The following DOCK2 variants were observed in gnomAD, a reference collection of about 807,000 sequenced individuals.
DOCK2 encodes dedicator of cytokinesis 2, also known as dedicator of cytokinesis protein 2.
A neutral mutation model predicts 248.9 loss-of-function variants in DOCK2; 87 were observed. The ratio of observed to expected loss-of-function variants is 0.35; its 90% CI spans 0.29 to 0.42. DOCK2 has a LOEUF of 0.42. DOCK2 is among the 10% of genes least tolerant of loss of function. The probability of loss-of-function intolerance (pLI) is 1.00; values close to 1 mark genes in which losing one functional copy is unlikely to be tolerated. For missense variants in DOCK2, 1,747 were observed against 2,300.2 expected, an observed-to-expected ratio of 0.76 and a Z score of 4.92; for synonymous variants, 805 against 821.6, an observed-to-expected ratio of 0.98 and a Z score of 0.35.
intron 23 of DOCK2, among the ~76,000 whole-genome samples, chr5:169,748,070 G>A (rs1265522977): frequency 6.6e-6 from 1 of 152,202 alleles, no homozygotes. Flanking sequence ...AGGCACTGGG[G>A]GTGCGGGTGG....
At chr5:170,003,229 C>T (rs562650034) in intron 30 of DOCK2, among the ~76,000 whole-genome samples, 7 of 152,294 alleles carry the variant, frequency 4.6e-5, no homozygotes, top group Non-Finnish European at 7.3e-5. Flanking sequence ...TTACAACAGT[C>T]CTTTATGGTA....
chr5:169,947,057 T>C (rs1776481771), intron 27 of DOCK2, among the ~76,000 whole-genome samples: 1 of 152,224 alleles, frequency 6.6e-6, no homozygotes, highest in South Asian at 2.1e-4. Context: ...CTGTTCTCAA[T>C]GCCTAACCTG....
chr5:169,945,749 T>G (rs259915), intron 27 of DOCK2, among the ~76,000 whole-genome samples: 116,768 of 152,140 alleles, frequency 0.77, 45,733 homozygotes, highest in African/African-American at 0.94. Context: ...TTGCCTCTGG[T>G]TCTCTCGGCC....
Position 170,045,831 on chromosome 5 carries a change from A to G in DOCK2, c.3892A>G (p.Ile1298Val), listed in dbSNP as rs757052633. ...CTTCCTGTAGATGTGGGAAGAGGCC[A>G]TAAGTCTGTGCAAGGAGCTGGCGGA... The part of the protein sequence containing the change: ...FDKGKMWEEA[I>V]SLCKELAEQY... Residue 1298 changes from isoleucine (I) to valine (V), a missense_variant, in exon 39 of 52, where the codon ATA (isoleucine) becomes GTA (valine). This residue lies in a region of DOCK2 where 858 missense variants were observed against 1,183.5 expected (regional missense o/e 0.72). Coordinates refer to ENST00000520908, the MANE Select transcript of DOCK2 (RefSeq NM_004946.3). 2.5e-6 allele frequency: 4 copies of G among 1,614,132 alleles called. No individual in the cohort carries two copies. Among genetic ancestry groups the G allele is most frequent in the Non-Finnish European group, 3.4e-6 (4 of 1,179,990 alleles).
At chr5:170,076,785 G>A (rs750996561) in intron 47 of DOCK2, among the ~76,000 whole-genome samples, 6 of 152,182 alleles carry the variant, frequency 3.9e-5, no homozygotes, top group Non-Finnish European at 8.8e-5. Flanking sequence ...CAGGTCTCTT[G>A]ATTCAAAGAT....
At chr5:169,756,406 T>G (rs933684898) in intron 23 of DOCK2, among the ~76,000 whole-genome samples, 1 of 152,238 alleles carries the variant, frequency 6.6e-6, no homozygotes, top group Non-Finnish European at 1.5e-5. Context: ...CACTTTGGCC[T>G]TAATTATGAT....
At chr5:169,647,363 TG>T (rs1757526163) in intron 1 of DOCK2, among the ~76,000 whole-genome samples, 1 of 150,624 alleles carries the variant, frequency 6.6e-6, no homozygotes, top group African/African-American at 2.4e-5. Context: ...GGTGGGTAGA[TG>T]AGTGGAGGGG....
In DOCK2 at chr5:169,977,015, C is replaced by T. The variant is rs567463459; in HGVS notation, c.2800-6053C>T. On this transcript the variant is annotated intron_variant, in intron 27 of 51. Coordinates refer to ENST00000520908, the MANE Select transcript of DOCK2 (RefSeq NM_004946.3). ...TGCACAGCAGGATGTCCTGGGTAAC[C>T]AAAGAATGTCACTGCACGCAAAGAC... Among the ~76,000 whole-genome samples, 4 of 152,284 alleles carry T rather than the reference C, an allele frequency of 2.6e-5. No individual in the cohort carries two copies. In the South Asian group the frequency reaches 8.3e-4, roughly 32 times the overall value.
At chr5:169,729,527 A>G (rs1032285375) in intron 22 of DOCK2, among the ~76,000 whole-genome samples, 1 of 152,170 alleles carries the variant, frequency 6.6e-6, no homozygotes, top group Admixed American at 6.5e-5. Context: ...CTACAGAGAC[A>G]CATTGATTTC....
At chr5:169,848,141 T>G (rs1770422827) in intron 27 of DOCK2, among the ~76,000 whole-genome samples, 1 of 152,220 alleles carries the variant, frequency 6.6e-6, no homozygotes, top group Non-Finnish European at 1.5e-5. Context: ...ACACAGATTG[T>G]AATCTTCAGA....
intron 27 of DOCK2, among the ~76,000 whole-genome samples, chr5:169,933,125 A>G (rs1161794867): frequency 1.3e-5 from 2 of 152,222 alleles, no homozygotes; most frequent in African/African-American, 4.8e-5. Context: ...CTCACCTGAA[A>G]CAGGGTAAGG....
intron 46 of DOCK2, chr5:170,075,742 TTC>T: frequency 3.2e-6 from 2 of 620,984 alleles, no homozygotes; most frequent in Non-Finnish European, 5.5e-6. Context: ...CTGGGGGTCT[TTC>T]TCTCCTTTCC....
intron 5 of DOCK2, among the ~76,000 whole-genome samples, chr5:169,672,720 G>T (rs1354122673): frequency 6.6e-6 from 1 of 152,124 alleles, no homozygotes; most frequent in Non-Finnish European, 1.5e-5. Context: ...GGGTTCCCAG[G>T]TTACCTGAAC....
intron 19 of DOCK2, 123 bp downstream of exon 19, chr5:169,714,580 A>G: frequency 4.9e-6 from 5 of 1,016,670 alleles, no homozygotes; most frequent in Non-Finnish European, 7.2e-6. Flanking sequence ...ACAGTAGGAT[A>G]CACTCTCCCG....
At chr5:169,731,019 C>T (rs1425323075) in intron 22 of DOCK2, among the ~76,000 whole-genome samples, 2 of 152,002 alleles carry the variant, frequency 1.3e-5, no homozygotes, top group African/African-American at 4.8e-5. Context: ...GTAGCTAGGA[C>T]TAATGCCCAG....
intron 29 of DOCK2, among the ~76,000 whole-genome samples, chr5:169,995,031 T>A (rs1455683252): frequency 2.0e-4 from 3 of 14,742 alleles, no homozygotes; most frequent in African/African-American, 1.5e-3. Context: ...TATTTTTTAT[T>A]TTTTTTTTTT....
chr5:169,876,915 A>T (rs1199501275), intron 27 of DOCK2, among the ~76,000 whole-genome samples: 4 of 152,210 alleles, frequency 2.6e-5, no homozygotes, highest in African/African-American at 4.8e-5. Flanking sequence ...CCAAGTATGT[A>T]TGAGACACTG....
intron 27 of DOCK2, among the ~76,000 whole-genome samples, chr5:169,935,239 G>A (rs1332732078): frequency 6.6e-6 from 1 of 152,192 alleles, no homozygotes; most frequent in Non-Finnish European, 1.5e-5. Flanking sequence ...ACTGTTTGCT[G>A]TGAGTCACTG....
intron 26 of DOCK2, among the ~76,000 whole-genome samples, chr5:169,805,028 T>C (rs980868346): frequency 6.6e-6 from 1 of 152,078 alleles, no homozygotes; most frequent in Non-Finnish European, 1.5e-5. Flanking sequence ...GATTTCAGTC[T>C]TACTCATAGT....
Sources: allele counts gnomAD v4.1 joint callset (sites outside exome capture counted in the v4.1 genomes callset), GRCh38; gene constraint gnomAD v4.1.1; regional missense constraint gnomAD v4.1.1; transcripts MANE v1.5; gene names NCBI Gene and HGNC (gene_info 2026-07-23, HGNC 2026-07-21).